UNC5D: variants seen among roughly 807,000 people sequenced by gnomAD.
The protein encoded by UNC5D is netrin receptor UNC5D.
In UNC5D, 39 loss-of-function variants were observed where a neutral mutation model predicts 105.4. The ratio of observed to expected loss-of-function variants is 0.37; its 90% CI spans 0.29 to 0.48. The LOEUF (loss-of-function observed/expected upper bound fraction) is 0.48, where lower values mean the gene tolerates loss of function less well. Ranked by LOEUF, UNC5D falls within the 20% of genes least tolerant of loss-of-function variation. UNC5D has a pLI of 0.98. For missense variants in UNC5D, 991 were observed against 1,202.4 expected, an observed-to-expected ratio of 0.82 and a Z score of 2.60; for synonymous variants, 452 against 450.4, an observed-to-expected ratio of 1.00 and a Z score of -0.04.
At chr8:35,687,100 A>ATCTT (rs1288983111) in intron 7 of UNC5D, among the ~76,000 whole-genome samples, 1 of 152,164 alleles carries the variant, frequency 6.6e-6, no homozygotes, top group Non-Finnish European at 1.5e-5. Context: ...CATTTAATAC[A>ATCTT]TCTTTAGAGA....
At chr8:35,614,238 A>G (rs1820871781) in intron 4 of UNC5D, among the ~76,000 whole-genome samples, 1 of 152,256 alleles carries the variant, frequency 6.6e-6, no homozygotes, top group Admixed American at 6.5e-5. Context: ...CATAAAACCC[A>G]GGAGAGAGTC....
intron 1 of UNC5D, among the ~76,000 whole-genome samples, chr8:35,439,225 G>A (rs1234630449): frequency 6.6e-6 from 1 of 152,002 alleles, no homozygotes; most frequent in African/African-American, 2.4e-5. Flanking sequence ...TCATGTCTGT[G>A]TATGATGCCT....
At position 35,750,710 on chromosome 8, in the gene UNC5D, G is replaced by A. The variant is rs767406868; in HGVS notation, c.2064G>A (p.Val688=). ...LTGEPITDCA[V]KQLKVAVFGC... ...GAGAGCCAATCACAGACTGTGCCGT[G>A]AAGCAACTGAAGGTGGCGGTTTTTG... The change falls in exon 13 of 17, where the codon GTG becomes GTA. Residue 688 remains valine, a synonymous_variant. Transcript: ENST00000404895. 1.1e-5 allele frequency: 18 copies of A among 1,614,024 alleles called. No individual in the cohort carries two copies. The highest frequency in any genetic ancestry group is 8.8e-5 in the South Asian group (8 of 91,092).
intron 4 of UNC5D, among the ~76,000 whole-genome samples, chr8:35,611,250 C>T (rs1401357698): frequency 6.6e-6 from 1 of 152,074 alleles, no homozygotes; most frequent in Non-Finnish European, 1.5e-5. Flanking sequence ...GCTGCTAAGA[C>T]CAGCCTACTC....
intron 2 of UNC5D, among the ~76,000 whole-genome samples, chr8:35,556,376 G>T (rs973753550): frequency 1.3e-5 from 2 of 152,062 alleles, no homozygotes; most frequent in Non-Finnish European, 2.9e-5. Context: ...CATTCAGGTC[G>T]CATTGTGTGT....
intron 1 of UNC5D, among the ~76,000 whole-genome samples, chr8:35,512,582 A>ATATATAT (rs1563488560): frequency 2.5e-5 from 2 of 81,344 alleles, no homozygotes; most frequent in African/African-American, 1.4e-4. Context: ...TGAATAGATT[A>ATATATAT]CTAAATGGAG....
At position 35,692,923 on chromosome 8, in the gene UNC5D, T is replaced by G. The variant is rs576764653; in HGVS notation, c.1084+6214T>G. On this transcript the variant is annotated intron_variant, in intron 7 of 16. Transcript: ENST00000404895. ...TTGATTAATTCATAATTTGCCTTCA[T>G]GTATACTGCATAGCAAATGTGGATA... is the stretch of plus-strand genomic sequence containing the variant. Among the ~76,000 whole-genome samples, 9 of 152,332 alleles carry G rather than the reference T, an allele frequency of 5.9e-5. No individual in the cohort carries two copies. The East Asian group carries it at 1.7e-3, about 29-fold the overall frequency.
At chr8:35,692,119 C>T (rs762367776) in intron 7 of UNC5D, among the ~76,000 whole-genome samples, 10 of 152,134 alleles carry the variant, frequency 6.6e-5, no homozygotes, top group East Asian at 1.9e-4. Context: ...ATCAGTAAAA[C>T]GGTGGTTTTC....
intron 1 of UNC5D, among the ~76,000 whole-genome samples, chr8:35,361,340 T>C (rs766032062): frequency 1.3e-5 from 2 of 152,136 alleles, no homozygotes; most frequent in Non-Finnish European, 2.9e-5. Context: ...GACCTAACTA[T>C]GGAATCTCAT....
intron 1 of UNC5D, among the ~76,000 whole-genome samples, chr8:35,454,658 G>T (rs182617184): frequency 0.017 from 2,528 of 152,020 alleles, 79 homozygotes; most frequent in African/African-American, 0.058. Flanking sequence ...TTTTTCCTTT[G>T]TTTAATTCCT....
At chr8:35,350,194 C>A (rs1812120036) in intron 1 of UNC5D, among the ~76,000 whole-genome samples, 1 of 151,920 alleles carries the variant, frequency 6.6e-6, no homozygotes, top group African/African-American at 2.4e-5. Context: ...AGAATGTTTA[C>A]AGTACAGTTC....
chr8:35,598,958 C>A (rs146036885), intron 4 of UNC5D, among the ~76,000 whole-genome samples: 1,951 of 152,004 alleles, frequency 0.013, 40 homozygotes, highest in African/African-American at 0.044. Context: ...GCCTGCCTAA[C>A]ATGATGAAAC....
chr8:35,631,923 C>T (rs1260134974), intron 4 of UNC5D, among the ~76,000 whole-genome samples: 1 of 152,146 alleles, frequency 6.6e-6, no homozygotes, highest in Non-Finnish European at 1.5e-5. Context: ...TTAGCCAGAA[C>T]AATTAAGTGT....
chr8:35,351,754 T>C (rs1812254944), intron 1 of UNC5D, among the ~76,000 whole-genome samples: 1 of 152,178 alleles, frequency 6.6e-6, no homozygotes, highest in African/African-American at 2.4e-5. Flanking sequence ...TAGAATTGTA[T>C]ATGATAAGGG....
chr8:35,765,924 C>T (rs16884403), intron 14 of UNC5D, among the ~76,000 whole-genome samples: 16,086 of 152,080 alleles, frequency 0.11, 2,467 homozygotes, highest in African/African-American at 0.34. Flanking sequence ...TGAGGATTAC[C>T]AGAGGCATAT....
intron 1 of UNC5D, among the ~76,000 whole-genome samples, chr8:35,327,965 TTTTTGGCC>T (rs1810301770): frequency 6.6e-6 from 1 of 152,234 alleles, no homozygotes; most frequent in South Asian, 2.1e-4. Context: ...CATTTGTTAA[TTTTTGGCC>T]CATGTGATTG....
intron 7 of UNC5D, among the ~76,000 whole-genome samples, chr8:35,687,912 C>T (rs547187308): frequency 8.5e-5 from 13 of 152,064 alleles, no homozygotes; most frequent in Admixed American, 4.6e-4. Flanking sequence ...TTAAAAAACA[C>T]GAGGTCAGGT....
chr8:35,780,871 G>A (rs982992170), intron 16 of UNC5D, among the ~76,000 whole-genome samples: 7 of 152,128 alleles, frequency 4.6e-5, no homozygotes, highest in African/African-American at 9.7e-5. Flanking sequence ...ATCTGAATAA[G>A]GATGTTTTTA....
chr8:35,781,390 C>T (rs1213911523), intron 16 of UNC5D, among the ~76,000 whole-genome samples: 1 of 152,154 alleles, frequency 6.6e-6, no homozygotes, highest in East Asian at 1.9e-4. Context: ...CCACTGTGGG[C>T]TCCAGGGGAT....
Sources: gnomAD v4.1 joint callset for allele counts (sites outside exome capture counted in the v4.1 genomes callset) on GRCh38, gnomAD v4.1.1 for gene constraint, MANE v1.5 for transcripts, NCBI Gene and HGNC (gene_info 2026-07-23, HGNC 2026-07-21) for gene names.